The following GSE1 variants were observed in gnomAD, a reference collection of about 807,000 sequenced individuals.
GSE1 encodes the protein genetic suppressor element 1.
A neutral mutation model predicts 112.6 loss-of-function variants in GSE1; 32 were observed. That is an observed-to-expected ratio of 0.28 (90% CI 0.21 to 0.38). GSE1 has a LOEUF of 0.38. GSE1 is among the 10% of genes least tolerant of loss of function. The pLI, the probability that GSE1 is intolerant of heterozygous loss-of-function variation, is 1.00. For synonymous variants in GSE1, 1,115 were observed against 735.6 expected, an observed-to-expected ratio of 1.52 and a Z score of -8.35; for missense variants, 2,348 against 1,699.2, an observed-to-expected ratio of 1.38 and a Z score of -6.71.
chr16:85,593,698 C>G (rs577446128), intron 1 of GSE1: 2 of 152,218 alleles, frequency 1.3e-5, no homozygotes, highest in Non-Finnish European at 2.9e-5. Context: ...TGGGCTCCAG[C>G]CCATTTGCAT....
In GSE1 at chr16:85,498,309, G is replaced by A. The variant is rs184312501; in HGVS notation, c.2465-135605G>A. ...TAGATGGCTACACAGATATACACAT[G>A]CATATACATCCAGACACACAGACAC... is the stretch of plus-strand genomic sequence containing the variant. On this transcript the variant is annotated intron_variant, in intron 2 of 2. Coordinates refer to the GSE1 transcript ENST00000637419. Among the ~76,000 whole-genome samples, 92 of 152,058 alleles carry A rather than the reference G, an allele frequency of 6.1e-4. 2 individuals carry two copies. The East Asian group carries it at 0.018, about 29-fold the overall frequency.
chr16:85,624,295 C>A (rs527782823), intron 1 of GSE1, among the ~76,000 whole-genome samples: 3 of 152,212 alleles, frequency 2.0e-5, no homozygotes, highest in African/African-American at 7.2e-5. Flanking sequence ...AGGGCTCCCA[C>A]AGGAGCAGGT....
At chr16:85,356,383 G>A (rs1174110257) in intron 1 of GSE1, among the ~76,000 whole-genome samples, 1 of 152,266 alleles carries the variant, frequency 6.6e-6, no homozygotes, top group Non-Finnish European at 1.5e-5. Flanking sequence ...GCAGGGGGCA[G>A]CACCCGGGGA....
At chr16:85,380,093 C>G (rs1436325675) in intron 2 of GSE1, among the ~76,000 whole-genome samples, 1 of 152,200 alleles carries the variant, frequency 6.6e-6, no homozygotes, top group Non-Finnish European at 1.5e-5. Context: ...AGGGTCATAA[C>G]TCTCTAATTT....
At chr16:85,634,270 C>T (rs935559345) in intron 2 of GSE1, 138 bp downstream of exon 2, 37 of 617,240 alleles carry the variant, frequency 6.0e-5, no homozygotes, top group South Asian at 3.5e-4. Flanking sequence ...GCAGGCAGTG[C>T]TGGCTGAGCT....
chr16:85,324,462 A>T (rs2046183105), intron 1 of GSE1, among the ~76,000 whole-genome samples: 1 of 151,172 alleles, frequency 6.6e-6, no homozygotes, highest in African/African-American at 2.4e-5. Flanking sequence ...GTGAGTTGAG[A>T]TCACGCCACT....
intron 1 of GSE1, among the ~76,000 whole-genome samples, chr16:85,189,858 G>T (rs1457785276): frequency 2.6e-5 from 4 of 152,288 alleles, no homozygotes; most frequent in African/African-American, 7.2e-5. Flanking sequence ...GTTCTGTAAT[G>T]ATGTCCCCCC....
chr16:85,455,761 G>C (rs191417202), intron 2 of GSE1, among the ~76,000 whole-genome samples: 5 of 152,344 alleles, frequency 3.3e-5, no homozygotes, highest in Admixed American at 2.6e-4. Flanking sequence ...GACAAGCTTG[G>C]GGGGAATGTG....
intron 1 of GSE1, among the ~76,000 whole-genome samples, chr16:85,321,888 G>A (rs1162122583): frequency 2.6e-5 from 4 of 152,152 alleles, no homozygotes; most frequent in African/African-American, 9.7e-5. Flanking sequence ...CGGACACTGA[G>A]GCTCCTAGAA....
At chr16:85,331,454 T>C (rs934360630) in intron 1 of GSE1, among the ~76,000 whole-genome samples, 1 of 144,116 alleles carries the variant, frequency 6.9e-6, no homozygotes, top group Non-Finnish European at 1.5e-5. Context: ...TATATATGTA[T>C]ATATATGTGT....
chr16:85,322,443 T>G (rs1414317025), intron 1 of GSE1, among the ~76,000 whole-genome samples: 1 of 151,998 alleles, frequency 6.6e-6, no homozygotes, highest in African/African-American at 2.4e-5. Context: ...TACATAAACC[T>G]AATCAGAGGA....
chr16:85,309,484 A>G (rs928591907), intron 1 of GSE1, among the ~76,000 whole-genome samples: 1 of 148,124 alleles, frequency 6.8e-6, no homozygotes. Flanking sequence ...ACAGAGCCAG[A>G]CCCTGTCTCT....
At chr16:85,326,261 G>A (rs551845126) in intron 1 of GSE1, among the ~76,000 whole-genome samples, 1 of 152,288 alleles carries the variant, frequency 6.6e-6, no homozygotes, top group South Asian at 2.1e-4. Context: ...CCACCCGCCT[G>A]GTTTGAATCT....
chr16:85,664,034 G>T (rs528279556), intron 11 of GSE1, among the ~76,000 whole-genome samples: 1 of 152,370 alleles, frequency 6.6e-6, no homozygotes, highest in East Asian at 1.9e-4. Flanking sequence ...CTGGGGAAGG[G>T]CTGCCAAGCA....
intron 2 of GSE1, among the ~76,000 whole-genome samples, chr16:85,544,189 G>A (rs1232251947): frequency 1.3e-5 from 2 of 152,132 alleles, no homozygotes; most frequent in South Asian, 2.1e-4. Context: ...CTCGTGGGTC[G>A]AGGCCGGGGA....
At chr16:85,217,559 C>T (rs905114802) in intron 1 of GSE1, among the ~76,000 whole-genome samples, 1 of 152,114 alleles carries the variant, frequency 6.6e-6, no homozygotes, top group Non-Finnish European at 1.5e-5. Flanking sequence ...ATGGGGAGTG[C>T]GTGAGAAGTG....
chr16:85,555,501 A>G, upstream of GSE1: 1 of 984,820 alleles, frequency 1.0e-6, no homozygotes, highest in Non-Finnish European at 1.2e-6. Context: ...TATTTACGAG[A>G]AGAAATCTCC....
chr16:85,592,065 C>T (rs951760354), intron 1 of GSE1, among the ~76,000 whole-genome samples: 5 of 152,208 alleles, frequency 3.3e-5, no homozygotes, highest in Admixed American at 6.5e-5. Context: ...CCCCCGCTCC[C>T]GTCAGTACAG....
intron 2 of GSE1, among the ~76,000 whole-genome samples, chr16:85,479,052 C>T (rs190204991): frequency 0.01 from 1,183 of 113,450 alleles, 15 homozygotes; most frequent in Middle Eastern, 0.021. Context: ...GATGGAGTCT[C>T]GCTCTGTCGC....
Sources: allele counts gnomAD v4.1 joint callset (sites outside exome capture counted in the v4.1 genomes callset), GRCh38; gene constraint gnomAD v4.1.1; transcripts MANE v1.5; gene names NCBI Gene and HGNC (gene_info 2026-07-23, HGNC 2026-07-21).